Variants in PTPRE observed in about 807,000 individuals in gnomAD.
PTPRE encodes protein tyrosine phosphatase receptor type E, also known as receptor-type tyrosine-protein phosphatase epsilon.
Under a neutral mutation model 102.0 loss-of-function variants are expected in PTPRE, and 51 were observed. The observed-to-expected ratio is 0.50, with a 90% confidence interval of 0.40 to 0.63. The LOEUF (loss-of-function observed/expected upper bound fraction) is 0.63. Ranked by LOEUF, PTPRE falls within the 30% of genes least tolerant of loss-of-function variation. PTPRE has a pLI of 0.00. For synonymous variants in PTPRE, 345 were observed against 348.2 expected, an observed-to-expected ratio of 0.99 and a Z score of 0.10; for missense variants, 752 against 915.1, an observed-to-expected ratio of 0.82 and a Z score of 2.30.
intron 2 of PTPRE, among the ~76,000 whole-genome samples, chr10:128,000,657 GAGA>G (rs1853781119): frequency 6.6e-6 from 1 of 152,336 alleles, no homozygotes; most frequent in East Asian, 1.9e-4. Flanking sequence ...TACTTATGAT[GAGA>G]ACAGACTTCC....
intron 2 of PTPRE, among the ~76,000 whole-genome samples, chr10:128,022,692 AG>A (rs1723205494): frequency 6.6e-6 from 1 of 152,190 alleles, no homozygotes; most frequent in Admixed American, 6.5e-5. Flanking sequence ...GCAGACAGGG[AG>A]GCACACAGCG....
intron 17 of PTPRE, 86 bp from the exon 18 acceptor site, chr10:128,076,517 T>C: frequency 7.2e-7 from 1 of 1,384,886 alleles, no homozygotes; most frequent in Non-Finnish European, 9.6e-7. Context: ...ATTAACTGGT[T>C]TGAGAACAAT....
intron 1 of PTPRE, among the ~76,000 whole-genome samples, chr10:127,968,988 A>T (rs1448879259): frequency 6.6e-6 from 1 of 152,252 alleles, no homozygotes; most frequent in African/African-American, 2.4e-5. Context: ...CTGGTGTTAC[A>T]TTCTAAGACA....
At chr10:127,948,802 A>T (rs762305038) in intron 1 of PTPRE, among the ~76,000 whole-genome samples, 6 of 152,236 alleles carry the variant, frequency 3.9e-5, no homozygotes, top group Non-Finnish European at 8.8e-5. Flanking sequence ...AGGATTAAGG[A>T]ATACCTAAAA....
rs572483674 is a variant in PTPRE, at chr10:128,075,043, G to C, written c.1600-1560G>C. Among the ~76,000 whole-genome samples, 3 of 152,282 alleles carry C rather than the reference G, an allele frequency of 2.0e-5. No individual in the cohort carries two copies. The South Asian group carries it at 6.2e-4, about 32-fold the overall frequency. ...CTGTTGTTTAGTTTTACTTGTGTTT[G>C]AACTTTATAGAAAGAGCATCATTAC... On this transcript the variant is annotated intron_variant, in intron 17 of 20. Transcript: ENST00000254667.
intron 7 of PTPRE, among the ~76,000 whole-genome samples, chr10:128,059,937 T>C (rs1849377160): frequency 3.3e-5 from 3 of 92,108 alleles, no homozygotes; most frequent in African/African-American, 1.5e-4. Flanking sequence ...ACACACTACA[T>C]GCACACACAC....
At chr10:128,069,067 A>C (rs1850531126) in intron 12 of PTPRE, 2 of 152,618 alleles carry the variant, frequency 1.3e-5, no homozygotes, top group African/African-American at 2.4e-5. Context: ...GGCGCTCTGC[A>C]CCTGTCATGC....
intron 8 of PTPRE, among the ~76,000 whole-genome samples, 191 bp from the exon 9 acceptor site, chr10:128,061,488 G>C (rs1049160193): frequency 1.4e-4 from 22 of 152,216 alleles, no homozygotes; most frequent in African/African-American, 5.3e-4. Context: ...AAACAGACTA[G>C]AGAGGGGACG....
At chr10:127,952,342 CT>C (rs71035509) in intron 1 of PTPRE, among the ~76,000 whole-genome samples, 67,934 of 141,220 alleles carry the variant, frequency 0.48, 13,479 homozygotes, top group South Asian at 0.54. Flanking sequence ...CCCGCCCCCC[CT>C]AGCCCTTAGT....
In PTPRE at chr10:127,944,493, TGG is replaced by T. The variant is rs1262190393; in HGVS notation, c.-31+37185_-31+37186del. On this transcript the variant is annotated intron_variant, in intron 1 of 20. Transcript: ENST00000254667. The surrounding 1 kb of genome is among the most constrained non-coding windows in gnomAD (Gnocchi z 4.2). ...ACGGATGGATGGATGGATGGATGGA[TGG>T]ATGGATGGATGGATGGATGGGTGGA... Among the ~76,000 whole-genome samples the T allele has an allele frequency of 5.9e-5, 5 of 84,934 alleles. No homozygotes were observed. The highest frequency in any genetic ancestry group is 1.7e-4 in the African/African-American group (4 of 23,056). 55.7% of individuals were successfully genotyped at this position (84,934 alleles called of 152,430 possible).
At chr10:127,987,534 C>T in intron 2 of PTPRE, 3 of 334,526 alleles carry the variant, frequency 9.0e-6, no homozygotes, top group Non-Finnish European at 1.7e-5. Flanking sequence ...ATTTGGCAAG[C>T]CTCTTAGTTA....
At chr10:127,961,509 G>A (rs527872493) in intron 1 of PTPRE, among the ~76,000 whole-genome samples, 2 of 152,292 alleles carry the variant, frequency 1.3e-5, no homozygotes, top group African/African-American at 4.8e-5. Flanking sequence ...AGGGCCCCCA[G>A]GAGGCCCCTG....
chr10:127,908,644 G>C (rs71474228), intron 1 of PTPRE, among the ~76,000 whole-genome samples: 4,994 of 152,246 alleles, frequency 0.033, 119 homozygotes, highest in Non-Finnish European at 0.048. Context: ...GGGAGCAAAA[G>C]GTCAGAGGCG....
At chr10:127,976,570 C>T (rs1224405372) in intron 1 of PTPRE, among the ~76,000 whole-genome samples, 1 of 152,172 alleles carries the variant, frequency 6.6e-6, no homozygotes, top group Non-Finnish European at 1.5e-5. Flanking sequence ...GCTCGTCTGT[C>T]ATAGACTGGC....
At chr10:127,990,967 G>A (rs756815880) in intron 2 of PTPRE, among the ~76,000 whole-genome samples, 2 of 152,206 alleles carry the variant, frequency 1.3e-5, no homozygotes, top group Non-Finnish European at 2.9e-5. Flanking sequence ...TAAAACAAAG[G>A]TATTTTTCCC....
intron 15 of PTPRE, chr10:128,071,199 C>T: frequency 2.3e-6 from 1 of 438,302 alleles, no homozygotes; most frequent in East Asian, 4.0e-5. Flanking sequence ...TTCACAGAAG[C>T]TGGAGATTTG....
intron 1 of PTPRE, among the ~76,000 whole-genome samples, chr10:127,942,805 G>A (rs781373648): frequency 1.8e-4 from 28 of 152,202 alleles, no homozygotes; most frequent in Admixed American, 4.6e-4. Flanking sequence ...GATGATGGTT[G>A]CACAGCAGTG....
intron 2 of PTPRE, among the ~76,000 whole-genome samples, chr10:127,990,411 C>CAAAAAAAAAAAAAAAAAAAA (rs60034358): frequency 1.5e-5 from 1 of 65,728 alleles, no homozygotes. Context: ...GACTCCACCT[C>CAAAAAAAAAAAAAAAAAAAA]AAAAAAAAAA....
At chr10:128,073,656 G>T (rs1400515349) in intron 17 of PTPRE, among the ~76,000 whole-genome samples, 185 bp downstream of exon 17, 1 of 152,218 alleles carries the variant, frequency 6.6e-6, no homozygotes, top group African/African-American at 2.4e-5. Flanking sequence ...CCCTTTTTGG[G>T]AGTGAGGTTT....
Sources: allele counts gnomAD v4.1 joint callset (sites outside exome capture counted in the v4.1 genomes callset), GRCh38; gene constraint gnomAD v4.1.1; non-coding constraint Gnocchi (gnomAD v3.1); transcripts MANE v1.5; gene names NCBI Gene and HGNC (gene_info 2026-07-23, HGNC 2026-07-21).